Variants in PTPRJ observed in about 807,000 individuals in gnomAD.
The protein encoded by PTPRJ is receptor-type tyrosine-protein phosphatase eta.
PTPRJ carries 129 observed loss-of-function variants against 141.3 expected under a neutral mutation model. That is an observed-to-expected ratio of 0.91 (90% CI 0.79 to 1.06). The LOEUF is 1.06. Among genes scored for constraint, PTPRJ ranks in the 50% least tolerant of loss-of-function variants. The pLI is 0.00. For synonymous variants in PTPRJ, 610 were observed against 640.5 expected, an observed-to-expected ratio of 0.95 and a Z score of 0.72; for missense variants, 1,601 against 1,679.7, an observed-to-expected ratio of 0.95 and a Z score of 0.82.
At chr11:48,149,897 T>G (rs1376921373) in intron 16 of PTPRJ, 93 bp from the exon 17 acceptor site, 9 of 974,478 alleles carry the variant, frequency 9.2e-6, no homozygotes, top group Non-Finnish European at 1.4e-5. Context: ...TACCCTGGGT[T>G]TTGTTGTTTT....
At chr11:48,107,035 C>T (rs898458095) in intron 1 of PTPRJ, among the ~76,000 whole-genome samples, 77 of 152,068 alleles carry the variant, frequency 5.1e-4, no homozygotes, top group African/African-American at 1.8e-3. Context: ...TCACAAAGTG[C>T]TGGGATTACA....
chr11:48,113,262 G>A (rs1397441342), intron 3 of PTPRJ, among the ~76,000 whole-genome samples: 1 of 152,092 alleles, frequency 6.6e-6, no homozygotes, highest in Non-Finnish European at 1.5e-5. Flanking sequence ...ACATATATAT[G>A]TTTTATTTTG....
Position 48,139,762 on chromosome 11 carries a change from C to CT in PTPRJ, c.2430dup (p.Thr811TyrfsTer14). The CT allele has an allele frequency of 6.2e-7, 1 of 1,613,940 alleles. No homozygotes were observed. Among genetic ancestry groups the CT allele is most frequent in the Non-Finnish European group, 8.5e-7 (1 of 1,180,002 alleles). On this transcript the variant is annotated frameshift_variant, in exon 11 of 25. Transcript: ENST00000418331. LOFTEE classifies it high-confidence loss of function. ...GCAGCCCCCACCCGGAACACCTGCA[C>CT]TACTGGCATCACAGGTGGGCTACAA...
chr11:48,145,792 CA>C (rs1346314141), intron 14 of PTPRJ, among the ~76,000 whole-genome samples: 1 of 152,124 alleles, frequency 6.6e-6, no homozygotes, highest in Non-Finnish European at 1.5e-5. Flanking sequence ...CTCCTGACCT[CA>C]GGTGATCTGC....
chr11:48,167,184 C>T lies in PTPRJ; in HGVS notation c.3856-20C>T. ...GGACCCATGTTCATTTTCTGTCTCT[C>T]TCTTTCGTTTTTCTATCAGGACCAG... On this transcript the variant is annotated intron_variant, in intron 24 of 24. Coordinates refer to ENST00000418331, the MANE Select transcript of PTPRJ (RefSeq NM_002843.4). 4 of 1,595,654 alleles carry T rather than the reference C, an allele frequency of 2.5e-6. No homozygotes were observed. Among genetic ancestry groups the T allele is most frequent in the Non-Finnish European group, 3.4e-6 (4 of 1,168,162 alleles).
chr11:48,109,025 C>T lies in PTPRJ; in HGVS notation c.97-1033C>T, dbSNP rs926175703. Among the ~76,000 whole-genome samples, 8 of 151,948 alleles carry T rather than the reference C, an allele frequency of 5.3e-5. No individual in the cohort carries two copies. In the East Asian group the frequency reaches 7.7e-4, roughly 15 times the overall value. On this transcript the variant is annotated intron_variant, in intron 1 of 24. Coordinates refer to ENST00000418331, the MANE Select transcript of PTPRJ (RefSeq NM_002843.4). Reference sequence around the variant, plus strand: ...AGGGGTGTTGGTTTCCATGGCTGCTCGGAGAAGGACTTGCTGAGGAGGTGG... The same window carrying T: ...AGGGGTGTTGGTTTCCATGGCTGCTTGGAGAAGGACTTGCTGAGGAGGTGG...
chr11:47,990,443 G>C (rs1854159309), intron 1 of PTPRJ, among the ~76,000 whole-genome samples: 1 of 151,674 alleles, frequency 6.6e-6, no homozygotes, highest in African/African-American at 2.4e-5. Context: ...TTTTTTTTGA[G>C]GGGGAGTCTT....
chr11:48,161,312 A>C (rs763112950), intron 22 of PTPRJ, among the ~76,000 whole-genome samples: 21 of 152,206 alleles, frequency 1.4e-4, no homozygotes, highest in Non-Finnish European at 2.6e-4. Context: ...AGTGCATAAA[A>C]GGAAAGCCGG....
In PTPRJ at chr11:48,139,624, AC is replaced by A; in HGVS notation, c.2293del (p.Leu765TrpfsTer19). 4 of 1,614,242 alleles carry A rather than the reference AC, an allele frequency of 2.5e-6. No homozygotes were observed. Among genetic ancestry groups the A allele is most frequent in the Non-Finnish European group, 3.4e-6 (4 of 1,180,038 alleles). On this transcript the variant is annotated frameshift_variant, in exon 11 of 25. Coordinates refer to ENST00000418331, the MANE Select transcript of PTPRJ (RefSeq NM_002843.4). LOFTEE classifies it high-confidence loss of function. ...AGTGGAGCCTGGAACAATGCGACCC[AC>A]CTGGAGAGCTGCTCCTCTGAGAATG... ...VSSGAWNNAT[H>X]LESCSSENGT... is the part of the protein sequence containing the mutation.
At chr11:48,001,417 C>T (rs1053060206) in intron 1 of PTPRJ, among the ~76,000 whole-genome samples, 2 of 147,380 alleles carry the variant, frequency 1.4e-5, no homozygotes, top group African/African-American at 5.1e-5. Flanking sequence ...CATAATAATC[C>T]TGCAGGTGGG....
At chr11:47,988,220 G>C (rs1283707104) in intron 1 of PTPRJ, among the ~76,000 whole-genome samples, 1 of 152,156 alleles carries the variant, frequency 6.6e-6, no homozygotes, top group Non-Finnish European at 1.5e-5. Context: ...GAAAAGAAGA[G>C]ATACAAGACC....
chr11:48,146,744 T>A, intron 14 of PTPRJ, 132 bp from the exon 15 acceptor site: 6 of 722,042 alleles, frequency 8.3e-6, no homozygotes, highest in Non-Finnish European at 1.3e-5. Flanking sequence ...CCTGTGTGTG[T>A]GTGTGCATGC....
intron 1 of PTPRJ, among the ~76,000 whole-genome samples, chr11:48,072,496 A>G (rs1240188443): frequency 1.3e-5 from 2 of 152,200 alleles, no homozygotes; most frequent in African/African-American, 2.4e-5. Context: ...CAGACATTCA[A>G]ACCATGGCAG....
chr11:48,132,347 C>A (rs1003128202), intron 8 of PTPRJ: 1 of 972,788 alleles, frequency 1.0e-6, no homozygotes, highest in Non-Finnish European at 1.2e-6. Context: ...CTAGCACCAG[C>A]CTGGGAGACC....
intron 1 of PTPRJ, among the ~76,000 whole-genome samples, chr11:48,040,282 C>T (rs867233035): frequency 5.3e-5 from 8 of 152,214 alleles, no homozygotes; most frequent in African/African-American, 1.2e-4. Context: ...ATGCTGTGTG[C>T]GCGCACATGC....
At chr11:48,001,163 T>C (rs1854487268) in intron 1 of PTPRJ, among the ~76,000 whole-genome samples, 1 of 151,738 alleles carries the variant, frequency 6.6e-6, no homozygotes, top group African/African-American at 2.4e-5. Flanking sequence ...CTAGCTAGTT[T>C]TTGTGTTTTC....
chr11:48,040,724 C>T (rs575457173), intron 1 of PTPRJ, among the ~76,000 whole-genome samples: 2 of 151,720 alleles, frequency 1.3e-5, no homozygotes, highest in South Asian at 2.1e-4. Flanking sequence ...GCCTCAGCCT[C>T]CTAAGTAGCT....
At chr11:48,157,050 T>C (rs775985270) in intron 21 of PTPRJ, among the ~76,000 whole-genome samples, 3 of 152,090 alleles carry the variant, frequency 2.0e-5, no homozygotes, top group Admixed American at 2.0e-4. Context: ...AGTGCCGTGG[T>C]GTGATCTTGG....
At chr11:48,116,062 C>T (rs541473246) in intron 3 of PTPRJ, among the ~76,000 whole-genome samples, 27 of 152,036 alleles carry the variant, frequency 1.8e-4, no homozygotes, top group Middle Eastern at 3.4e-3. Context: ...TAAGTTCTTA[C>T]CTATCAATAA....
Sources: gnomAD v4.1 joint callset for allele counts (sites outside exome capture counted in the v4.1 genomes callset) on GRCh38, gnomAD v4.1.1 for gene constraint, MANE v1.5 for transcripts, NCBI Gene and HGNC (gene_info 2026-07-23, HGNC 2026-07-21) for gene names.